ANO2: variants seen among roughly 807,000 people sequenced by gnomAD.
ANO2 encodes anoctamin 2, also known as anoctamin-2.
A neutral mutation model predicts 124.2 loss-of-function variants in ANO2; 101 were observed. The observed-to-expected ratio is 0.81, with a 90% CI of 0.69 to 0.96. The LOEUF is 0.96. Among genes scored for constraint, ANO2 ranks in the 40% least tolerant of loss-of-function variants. The pLI is 0.00. For missense variants in ANO2, 1,293 were observed against 1,274.5 expected (o/e 1.01, Z -0.22); for synonymous variants, 486 against 482.5 (o/e 1.01, Z -0.09).
intron 14 of ANO2, among the ~76,000 whole-genome samples, chr12:5,688,814 T>C (rs1314933544): frequency 6.7e-6 from 1 of 149,228 alleles, no homozygotes; most frequent in African/African-American, 2.5e-5. Flanking sequence ...AGTATCCTTT[T>C]TTTTTTTTTT....
intron 20 of ANO2, among the ~76,000 whole-genome samples, chr12:5,592,984 G>C (rs910087390): frequency 6.6e-6 from 1 of 152,170 alleles, no homozygotes; most frequent in African/African-American, 2.4e-5. Context: ...TCCTTGACAC[G>C]GTGATTTCTA....
chr12:5,644,228 C>T (rs1946523429), intron 15 of ANO2, among the ~76,000 whole-genome samples: 1 of 152,116 alleles, frequency 6.6e-6, no homozygotes, highest in Non-Finnish European at 1.5e-5. Flanking sequence ...GTTTTATTTT[C>T]TTCTGTTTGG....
intron 14 of ANO2, among the ~76,000 whole-genome samples, chr12:5,715,134 A>G (rs1949971341): frequency 6.6e-6 from 1 of 152,226 alleles, no homozygotes; most frequent in Non-Finnish European, 1.5e-5. Context: ...GCATCCAAAC[A>G]ATAAGAAAAA....
rs376871257 is a variant in ANO2 at position 5,578,497 on chromosome 12, G to A, written c.2255C>T (p.Thr752Ile). ...CAGGGGAAAGGAGGCCACGAAGAGG[G>A]TGACAAAACCAAACTGGATGACTGC... ...MEMIIQFGFV[T>I]LFVASFPLAP... The change falls in exon 21 of 25, where the codon ACC (threonine) becomes ATC (isoleucine). Residue 752 changes from threonine to isoleucine, a missense_variant. Transcript: ENST00000682330. The A allele has an allele frequency of 2.9e-5, 46 of 1,613,664 alleles. No homozygotes were observed. The highest frequency in any genetic ancestry group is 3.7e-5 in the Non-Finnish European group (44 of 1,179,812).
At chr12:5,632,362 G>A (rs1417355120) in intron 16 of ANO2, among the ~76,000 whole-genome samples, 1 of 151,940 alleles carries the variant, frequency 6.6e-6, no homozygotes, top group African/African-American at 2.4e-5. Flanking sequence ...CTGAACCTTA[G>A]TAAAGTGAGC....
At chr12:5,713,838 C>T (rs150172175) in intron 14 of ANO2, among the ~76,000 whole-genome samples, 11 of 152,280 alleles carry the variant, frequency 7.2e-5, no homozygotes, top group East Asian at 3.9e-4. Context: ...CTGAGGGGAA[C>T]GAGTGTTCCC....
At chr12:5,894,189 T>C (rs1259860554) in intron 3 of ANO2, among the ~76,000 whole-genome samples, 2 of 152,216 alleles carry the variant, frequency 1.3e-5, no homozygotes, top group Non-Finnish European at 2.9e-5. Flanking sequence ...TTCTAACTGG[T>C]GTGAGATGGT....
chr12:5,599,541 C>T lies in ANO2; in HGVS notation c.2176G>A (p.Asp726Asn). ...SAHSKHPEQW[D>N]LDYSLEPYTG... ...TATGGTTCCAAGCTGTAGTCTAGGT[C>T]CCACTGCTCTGGATGTTTCGAATGG... The change falls in exon 20 of 25, where the codon GAC (aspartate) becomes AAC (asparagine). Residue 726 changes from aspartate (D) to asparagine (N), a missense_variant. Transcript: ENST00000682330. The T allele has an allele frequency of 6.2e-7, 1 of 1,613,852 alleles. No homozygotes were observed. Among genetic ancestry groups the T allele is most frequent in the Non-Finnish European group, 8.5e-7 (1 of 1,179,836 alleles).
chr12:5,563,336 C>T lies in ANO2; in HGVS notation c.2960G>A (p.Ser987Asn). 1 of 1,603,498 alleles carries T rather than the reference C, an allele frequency of 6.2e-7. No homozygotes were observed. The highest frequency in any genetic ancestry group is 8.5e-7 in the Non-Finnish European group (1 of 1,176,776). ...GTGCTGAGAGCCTGACGACATCATG[C>T]TGCCCAGCTGGCTTTGGCCTGAAGG... Reference protein sequence around the residue: ...SAPSGQSQLGSMMSSGSQHTN... With the variant: ...SAPSGQSQLGNMMSSGSQHTN... Residue 987 changes from serine to asparagine, a missense_variant, in exon 25 of 25, where the codon AGC becomes AAC. Ser to Asn is a conservative substitution (Grantham distance 46). Transcript: ENST00000682330.
intron 3 of ANO2, among the ~76,000 whole-genome samples, chr12:5,861,384 A>AGG: frequency 1.2e-4 from 2 of 16,424 alleles, no homozygotes; most frequent in Non-Finnish European, 5.0e-4. Flanking sequence ...CCCGCACTCC[A>AGG]GGCCCCTAGC....
intron 10 of ANO2, among the ~76,000 whole-genome samples, chr12:5,754,580 TTTTG>T (rs1447062127): frequency 2.0e-5 from 3 of 152,176 alleles, no homozygotes; most frequent in South Asian, 2.1e-4. Flanking sequence ...TTTTGTTTCA[TTTTG>T]TTTGTTTGTT....
At chr12:5,665,605 G>C (rs1947663519) in intron 14 of ANO2, among the ~76,000 whole-genome samples, 1 of 152,236 alleles carries the variant, frequency 6.6e-6, no homozygotes. Flanking sequence ...CTGGAGCCAG[G>C]ACCCAGGAGC....
chr12:5,718,473 AG>A (rs1259815315), intron 14 of ANO2, among the ~76,000 whole-genome samples: 3 of 152,344 alleles, frequency 2.0e-5, no homozygotes, highest in African/African-American at 7.2e-5. Context: ...CAACGTCCAT[AG>A]AAATTCCTGG....
intron 20 of ANO2, among the ~76,000 whole-genome samples, chr12:5,591,622 C>T (rs1337183321): frequency 6.6e-6 from 1 of 152,088 alleles, no homozygotes; most frequent in East Asian, 1.9e-4. Context: ...AGATCGTTCT[C>T]CTTGGTAGGT....
intron 7 of ANO2, among the ~76,000 whole-genome samples, chr12:5,812,406 G>A (rs114207493): frequency 0.26 from 32,480 of 126,928 alleles, 4,704 homozygotes; most frequent in Non-Finnish European, 0.32. Flanking sequence ...GAAGGAAGGA[G>A]GGAGGGAGGG....
intron 4 of ANO2, among the ~76,000 whole-genome samples, chr12:5,848,531 G>A (rs893157191): frequency 1.3e-5 from 2 of 152,152 alleles, no homozygotes; most frequent in African/African-American, 4.8e-5. Flanking sequence ...CACTTGTCAC[G>A]TTTGCTGTCT....
intron 16 of ANO2, among the ~76,000 whole-genome samples, chr12:5,615,692 C>G (rs1944768683): frequency 6.6e-6 from 1 of 152,082 alleles, no homozygotes; most frequent in African/African-American, 2.4e-5. Context: ...GAACCAAGGT[C>G]CCTGGTCAAA....
At chr12:5,912,903 T>G (rs766444343) in intron 3 of ANO2, among the ~76,000 whole-genome samples, 16 of 152,190 alleles carry the variant, frequency 1.1e-4, no homozygotes, top group South Asian at 2.1e-4. Context: ...GAATAAACAG[T>G]AGAGACGAGG....
At chr12:5,646,143 C>T (rs1946627492) in intron 15 of ANO2, among the ~76,000 whole-genome samples, 1 of 152,194 alleles carries the variant, frequency 6.6e-6, no homozygotes, top group South Asian at 2.1e-4. Context: ...CATCCATCAA[C>T]CCTAATTTCT....
Sources: allele counts gnomAD v4.1 joint callset (sites outside exome capture counted in the v4.1 genomes callset), GRCh38; gene constraint gnomAD v4.1.1; transcripts MANE v1.5; gene names NCBI Gene and HGNC (gene_info 2026-07-23, HGNC 2026-07-21).